The following CACNA1E variants were observed in gnomAD, a reference collection of about 807,000 sequenced individuals.
CACNA1E encodes calcium voltage-gated channel subunit alpha1 E.
A neutral mutation model predicts 259.2 loss-of-function variants in CACNA1E; 40 were observed. The ratio of observed to expected loss-of-function variants is 0.15; its 90% CI spans 0.12 to 0.20. The LOEUF is 0.20. Among genes scored for constraint, CACNA1E ranks in the 10% least tolerant of loss-of-function variants. CACNA1E has a pLI of 1.00. For missense variants in CACNA1E, 1,874 were observed against 3,040.1 expected, an observed-to-expected ratio of 0.62 and a Z score of 9.02; for synonymous variants, 1,104 against 1,138.5, an observed-to-expected ratio of 0.97 and a Z score of 0.61.
chr1:181,646,342 C>A (rs1442230861), intron 6 of CACNA1E, among the ~76,000 whole-genome samples: 1 of 152,208 alleles, frequency 6.6e-6, no homozygotes, highest in Non-Finnish European at 1.5e-5. Flanking sequence ...GGAGAGCCCC[C>A]ACCAAACAGA....
intron 35 of CACNA1E, 130 bp from the exon 36 acceptor site, chr1:181,771,163 G>T: frequency 1.6e-6 from 1 of 616,050 alleles, no homozygotes; most frequent in Non-Finnish European, 3.0e-6. Context: ...CAGCTCTCTG[G>T]GTCTGAGTTG....
chr1:181,445,928 C>T (rs546654600), intron 2 of CACNA1E, among the ~76,000 whole-genome samples: 10 of 152,316 alleles, frequency 6.6e-5, no homozygotes, highest in African/African-American at 2.4e-4. Context: ...TTGCTCTTAA[C>T]AGCGCACCAC....
intron 7 of CACNA1E, among the ~76,000 whole-genome samples, chr1:181,700,553 G>A (rs755513125): frequency 2.0e-5 from 3 of 152,204 alleles, no homozygotes; most frequent in Admixed American, 6.5e-5. Context: ...GGTCACCAAC[G>A]AGAAATGAGA....
At chr1:181,726,486 C>T (rs1037281413) in intron 18 of CACNA1E, among the ~76,000 whole-genome samples, 7 of 152,110 alleles carry the variant, frequency 4.6e-5, no homozygotes, top group African/African-American at 1.7e-4. Context: ...GCTGTTTAAG[C>T]CAAGACCTAA....
At chr1:181,412,015 G>C (rs1657890635) in intron 1 of CACNA1E, among the ~76,000 whole-genome samples, 1 of 152,284 alleles carries the variant, frequency 6.6e-6, no homozygotes, top group Non-Finnish European at 1.5e-5. Flanking sequence ...CCATGAGGAT[G>C]ATGTGGACTA....
At chr1:181,791,362 A>G (rs1167632499) in intron 44 of CACNA1E, among the ~76,000 whole-genome samples, 1 of 152,190 alleles carries the variant, frequency 6.6e-6, no homozygotes, top group Non-Finnish European at 1.5e-5. Context: ...GGTTCCAGCT[A>G]CTCAGGAGGC....
At chr1:181,756,415 C>T (rs1658091422) in intron 29 of CACNA1E, among the ~76,000 whole-genome samples, 1 of 152,124 alleles carries the variant, frequency 6.6e-6, no homozygotes, top group Non-Finnish European at 1.5e-5. Flanking sequence ...TTCCTGAGAG[C>T]TGTTATAGAC....
chr1:181,794,844 C>A lies in CACNA1E; in HGVS notation c.6028-20C>A. 6.3e-7 allele frequency: 1 copy of A among 1,599,606 alleles called. No individual in the cohort carries two copies. The highest frequency in any genetic ancestry group is 8.5e-7 in the Non-Finnish European group (1 of 1,171,358). ...TCGTTAATCCATACCTTGTGTTTCT[C>A]TGGGGGCTTGTATTTCCAGGTGGTG... On this transcript the variant is annotated intron_variant, in intron 45 of 47. Transcript: ENST00000367573.
chr1:181,732,945 C>A lies in CACNA1E; in HGVS notation c.2859C>A (p.Pro953=), dbSNP rs368664580. ...SQERSLDEAM[P]TEGEKDHELR... is the part of the protein sequence containing the mutation. ...AACGCAGTCTGGATGAAGCCATGCC[C>A]ACTGAAGGGGAGAAGGACCATGAGC... Residue 953 remains proline (P), a synonymous_variant, in exon 20 of 48, where the codon CCC becomes CCA. Transcript: ENST00000367573. This position sits in a 1 kb window ranked among gnomAD's most constrained non-coding sequence, Gnocchi z 5.5. The A allele has an allele frequency of 1.5e-5, 24 of 1,613,906 alleles. No homozygotes were observed. The highest frequency in any genetic ancestry group is 1.9e-5 in the Non-Finnish European group (23 of 1,179,900).
In CACNA1E at chr1:181,732,273, C is replaced by T. The variant is rs2102547872; in HGVS notation, c.2298-111C>T. 1 of 1,395,074 alleles carries T rather than the reference C, an allele frequency of 7.2e-7. No individual in the cohort carries two copies. 86.4% of individuals were successfully genotyped at this position (1,395,074 alleles called of 1,614,324 possible). ...GCTTCCTGTCTGCAGGTCCTGGGCA[C>T]TCCCATTTGCCCCCACCATGTGTCC... On this transcript the variant is annotated intron_variant, in intron 19 of 47. Transcript: ENST00000367573. This position sits in a 1 kb window ranked among gnomAD's most constrained non-coding sequence, Gnocchi z 5.5.
At chr1:181,701,378 G>A (rs1274890655) in intron 7 of CACNA1E, among the ~76,000 whole-genome samples, 1 of 152,166 alleles carries the variant, frequency 6.6e-6, no homozygotes, top group Non-Finnish European at 1.5e-5. Flanking sequence ...GTGCTGTGGG[G>A]GGTGTAGATG....
At chr1:181,633,613 T>C (rs1389481442) in intron 6 of CACNA1E, among the ~76,000 whole-genome samples, 1 of 152,112 alleles carries the variant, frequency 6.6e-6, no homozygotes, top group Non-Finnish European at 1.5e-5. Flanking sequence ...TGCTTTAGCC[T>C]CCTGAGTAGC....
chr1:181,771,168 G>A (rs1367682320), intron 35 of CACNA1E, 125 bp from the exon 36 acceptor site: 6 of 622,624 alleles, frequency 9.6e-6, no homozygotes, highest in Non-Finnish European at 1.5e-5. Flanking sequence ...CTCTGGGTCT[G>A]AGTTGTCTGC....
chr1:181,719,961 G>A (rs1654275201), intron 13 of CACNA1E, 98 bp downstream of exon 13: 1 of 806,676 alleles, frequency 1.2e-6, no homozygotes, highest in Non-Finnish European at 2.0e-6. Context: ...CCCTTAGGGG[G>A]AAAGTATCCC....
At chr1:181,406,487 C>T (rs189605358) in intron 1 of CACNA1E, among the ~76,000 whole-genome samples, 72 of 152,154 alleles carry the variant, frequency 4.7e-4, no homozygotes, top group Admixed American at 1.2e-3. Flanking sequence ...ACTTCTACCT[C>T]CTGGGTTCAA....
chr1:181,690,415 C>T (rs959591024), intron 7 of CACNA1E, among the ~76,000 whole-genome samples: 1 of 152,138 alleles, frequency 6.6e-6, no homozygotes, highest in African/African-American at 2.4e-5. Flanking sequence ...AGCATGATGC[C>T]TCTAGCTTTG....
At chr1:181,564,696 C>A (rs1392645565) in intron 3 of CACNA1E, among the ~76,000 whole-genome samples, 1 of 152,206 alleles carries the variant, frequency 6.6e-6, no homozygotes, top group Non-Finnish European at 1.5e-5. Flanking sequence ...TCAGAGGAAT[C>A]ATGATCTATG....
At chr1:181,765,289 C>T (rs1658924501) in intron 34 of CACNA1E, among the ~76,000 whole-genome samples, 1 of 152,062 alleles carries the variant, frequency 6.6e-6, no homozygotes, top group Admixed American at 6.5e-5. Context: ...TGCTTTTCTC[C>T]CTACATTGGG....
At position 181,561,465 on chromosome 1, in the gene CACNA1E, A is replaced by T. The variant is rs559264523; in HGVS notation, c.513-16301A>T. ...TCTTTCTAGTTAATCTTTTCTCTTC[A>T]TCCTCAGCCTCTAGTAACTGCTGAT... On this transcript the variant is annotated intron_variant, in intron 3 of 47. Coordinates refer to ENST00000367573, the MANE Select transcript of CACNA1E (RefSeq NM_001205293.3). Among the ~76,000 whole-genome samples, 10 of 152,202 alleles carry T rather than the reference A, an allele frequency of 6.6e-5. No homozygotes were observed. In the East Asian group the frequency reaches 1.7e-3, roughly 26 times the overall value.
Sources: allele counts gnomAD v4.1 joint callset (sites outside exome capture counted in the v4.1 genomes callset), GRCh38; gene constraint gnomAD v4.1.1; non-coding constraint Gnocchi (gnomAD v3.1); transcripts MANE v1.5; gene names NCBI Gene and HGNC (gene_info 2026-07-23, HGNC 2026-07-21).